The following DPM2 variants were observed in gnomAD, a reference collection of about 807,000 sequenced individuals.
DPM2 encodes dolichol phosphate-mannose biosynthesis regulatory protein.
In DPM2, 8 loss-of-function variants were observed where a neutral mutation model predicts 12.1. The ratio of observed to expected loss-of-function variants is 0.66; its 90% CI spans 0.39 to 1.19. The LOEUF is 1.19. Among genes scored for constraint, DPM2 ranks in the 50% most tolerant of loss-of-function variants. DPM2 has a pLI of 0.01. For synonymous variants in DPM2, 38 were observed against 44.7 expected, an observed-to-expected ratio of 0.85 and a Z score of 0.60; for missense variants, 93 against 102.5, an observed-to-expected ratio of 0.91 and a Z score of 0.40.
In DPM2 at chr9:127,937,505, C is replaced by A; in HGVS notation, c.22G>T (p.Val8Leu). ...ACGGCGACGAGGCCGAGTCCCACCA[C>A]CTGGTCTGTCCCCGTGGCCTGGAGA... is the stretch of plus-strand genomic sequence containing the variant. MATGTDQ[V>L]VGLGLVAVSL... The change falls in exon 2 of 4, where the codon GTG becomes TTG. Residue 8 changes from valine to leucine, a missense_variant. Transcript: ENST00000314392. 6.2e-7 allele frequency: 1 copy of A among 1,613,802 alleles called. No individual in the cohort carries two copies. Among genetic ancestry groups the A allele is most frequent in the Non-Finnish European group, 8.5e-7 (1 of 1,179,786 alleles).
At chr9:127,937,754 C>G (rs997893656) in intron 1 of DPM2, 64 bp downstream of exon 1, 9 of 1,604,922 alleles carry the variant, frequency 5.6e-6, no homozygotes, top group African/African-American at 2.7e-5. Context: ...TGCCCCAGCT[C>G]CTGAGCAGAC....
At chr9:127,935,977 G>C in intron 3 of DPM2, 197 bp from the exon 4 acceptor site, 1 of 610,092 alleles carries the variant, frequency 1.6e-6, no homozygotes, top group Non-Finnish European at 2.9e-6. Flanking sequence ...CCAACTGAGT[G>C]CCTGCCTCAA....
In DPM2 at chr9:127,935,653, TC is replaced by T. The variant is rs1831491848; in HGVS notation, c.*68del. 2 of 1,547,672 alleles carry T rather than the reference TC, an allele frequency of 1.3e-6. No individual in the cohort carries two copies. The highest frequency in any genetic ancestry group is 1.7e-5 in the Admixed American group (1 of 57,396). ...CTGTGCCTGGACAGGTTCTGCAGGC[TC>T]CCCCACTTGGTCCCTGTGCTGGAGG... On this transcript the variant is annotated 3_prime_UTR_variant, in exon 4 of 4. Transcript: ENST00000314392.
At chr9:127,936,451 G>T (rs147403960) in intron 3 of DPM2, 102 bp downstream of exon 3, 3 of 1,610,234 alleles carry the variant, frequency 1.9e-6, no homozygotes, top group Non-Finnish European at 2.5e-6. Flanking sequence ...GGGTGAGTTC[G>T]GGGCAAGCAG....
intron 3 of DPM2, 146 bp downstream of exon 3, chr9:127,936,407 T>C (rs769967978): frequency 1.9e-6 from 3 of 1,576,194 alleles, no homozygotes; most frequent in Non-Finnish European, 2.6e-6. Flanking sequence ...GGTTACTGAC[T>C]GGCAGCCTCG....
chr9:127,936,267 G>A, intron 3 of DPM2: 3 of 1,439,292 alleles, frequency 2.1e-6, no homozygotes, highest in Non-Finnish European at 1.8e-6. Flanking sequence ...AGAGAGAGAG[G>A]TGCAGGAATT....
chr9:127,936,491 G>A, intron 3 of DPM2, 62 bp downstream of exon 3: 6 of 1,608,768 alleles, frequency 3.7e-6, no homozygotes, highest in Non-Finnish European at 5.1e-6. Context: ...GTGGAAGCAT[G>A]TTCAGAGGTG....
rs73669305 is a variant in DPM2, at chr9:127,937,719, G to C, written c.3+99C>G. On this transcript the variant is annotated intron_variant, in intron 1 of 3. Coordinates refer to ENST00000314392, the MANE Select transcript of DPM2 (RefSeq NM_003863.4). Reference sequence around the variant, plus strand: ...CGTCCGTACAATAGTGGGGGCGGGAGAGCAATCCCCGTTCCAAGTGCCCAT... The same window carrying C: ...CGTCCGTACAATAGTGGGGGCGGGACAGCAATCCCCGTTCCAAGTGCCCAT... 7.2e-4 allele frequency: 1,073 copies of C among 1,492,268 alleles called. 9 individuals carry two copies. The African/African-American group carries it at 0.013, about 18-fold the overall frequency. 92.4% of individuals were successfully genotyped at this position (1,492,268 alleles called of 1,614,324 possible).
At chr9:127,936,450 CG>C (rs764516539) in intron 3 of DPM2, 102 bp downstream of exon 3, 1 of 1,609,588 alleles carries the variant, frequency 6.2e-7, no homozygotes, top group South Asian at 1.1e-5. Context: ...CGGGTGAGTT[CG>C]GGGCAAGCAG....
chr9:127,935,604 A>G lies in DPM2; in HGVS notation c.*118T>C. The G allele has an allele frequency of 9.8e-7, 1 of 1,023,314 alleles. No homozygotes were observed. The highest frequency in any genetic ancestry group is 1.5e-6 in the Non-Finnish European group (1 of 670,586). 63.4% of individuals were successfully genotyped at this position (1,023,314 alleles called of 1,614,324 possible). On this transcript the variant is annotated 3_prime_UTR_variant, in exon 4 of 4. Coordinates refer to ENST00000314392, the MANE Select transcript of DPM2 (RefSeq NM_003863.4). ...AAGCTCCATGCCATGGGGACTCTGCAGGACAGGCAGGCTTGAGGAGCCACT... is the reference window on the plus strand; with the variant it reads ...AAGCTCCATGCCATGGGGACTCTGCGGGACAGGCAGGCTTGAGGAGCCACT...
intron 2 of DPM2, 73 bp from the exon 3 acceptor site, chr9:127,936,728 C>T: frequency 1.5e-6 from 2 of 1,356,550 alleles, no homozygotes; most frequent in Non-Finnish European, 1.9e-6. Context: ...GTCCCACCTC[C>T]TCCATCTAAG....
In DPM2 at chr9:127,935,473, C is replaced by T. The variant is rs1337256012; in HGVS notation, c.*249G>A. ...AGAGTGAGGTTGGGAGGACCAGCATCTTTTAGGCCCTGAGCAAGAAGGAGG... is the reference window on the plus strand; with the variant it reads ...AGAGTGAGGTTGGGAGGACCAGCATTTTTTAGGCCCTGAGCAAGAAGGAGG... On this transcript the variant is annotated 3_prime_UTR_variant, in exon 4 of 4. Transcript: ENST00000314392. 1.9e-5 allele frequency: 11 copies of T among 567,034 alleles called. No homozygotes were observed. The highest frequency in any genetic ancestry group is 7.5e-5 in the African/African-American group (4 of 53,118). The allele number at this position is 567,034 out of a possible 1,614,324, so 35.1% of individuals were successfully genotyped here. A position where few individuals can be genotyped will look rare whatever the true frequency, so the allele number is the denominator to read the frequency against.
In DPM2 at chr9:127,937,804, G is replaced by A. The variant is rs375782774; in HGVS notation, c.3+14C>T. ...CCAGACGCCCCTATCTCCGGCACACGGTGCCAATCTCACCATTTCCCCGCG... is the reference window on the plus strand; with the variant it reads ...CCAGACGCCCCTATCTCCGGCACACAGTGCCAATCTCACCATTTCCCCGCG... On this transcript the variant is annotated intron_variant, in intron 1 of 3. Coordinates refer to ENST00000314392, the MANE Select transcript of DPM2 (RefSeq NM_003863.4). The A allele has an allele frequency of 5.0e-6, 8 of 1,609,496 alleles. No individual in the cohort carries two copies. Among genetic ancestry groups the A allele is most frequent in the African/African-American group, 1.3e-5 (1 of 74,940 alleles).
At chr9:127,936,242 C>A (rs1831502618) in intron 3 of DPM2, 1 of 1,409,334 alleles carries the variant, frequency 7.1e-7, no homozygotes, top group Non-Finnish European at 9.3e-7. Flanking sequence ...CAGTCCCCAT[C>A]CCTAGGAAGC....
chr9:127,935,485 G>A lies in DPM2; in HGVS notation c.*237C>T. Reference sequence around the variant, plus strand: ...GGAGGACCAGCATCTTTTAGGCCCTGAGCAAGAAGGAGGTGACCGGAGTCT... The same window carrying A: ...GGAGGACCAGCATCTTTTAGGCCCTAAGCAAGAAGGAGGTGACCGGAGTCT... On this transcript the variant is annotated 3_prime_UTR_variant, in exon 4 of 4. Transcript: ENST00000314392. 2 of 581,070 alleles carry A rather than the reference G, an allele frequency of 3.4e-6. No homozygotes were observed. Among genetic ancestry groups the A allele is most frequent in the Admixed American group, 3.0e-5 (1 of 33,072 alleles). The allele number at this position is 581,070 out of a possible 1,614,324, so 36.0% of individuals were successfully genotyped here. A position where few individuals can be genotyped will look rare whatever the true frequency, so the allele number is the denominator to read the frequency against.
At chr9:127,936,316 A>T in intron 3 of DPM2, 2 of 1,471,878 alleles carry the variant, frequency 1.4e-6, no homozygotes, top group Non-Finnish European at 1.8e-6. Flanking sequence ...AGGTGTGAGC[A>T]GAGTGATGAT....
intron 2 of DPM2, 102 bp from the exon 3 acceptor site, chr9:127,936,757 G>A (rs142261651): frequency 6.0e-6 from 6 of 1,002,320 alleles, no homozygotes; most frequent in Non-Finnish European, 8.0e-6. Context: ...CCATTCAGAG[G>A]ACTGGGACTG....
chr9:127,937,587 G>A, intron 1 of DPM2, 64 bp from the exon 2 acceptor site: 1 of 1,420,458 alleles, frequency 7.0e-7, no homozygotes, highest in South Asian at 1.2e-5. Context: ...AATGGAAGCG[G>A]GGCGTCGCGG....
Position 127,937,417 on chromosome 9 carries a change from C to A in DPM2, c.93+17G>T, listed in dbSNP as rs773924127. 1.2e-5 allele frequency: 20 copies of A among 1,602,682 alleles called. No homozygotes were observed. The highest frequency in any genetic ancestry group is 1.7e-5 in the Admixed American group (1 of 59,286). ...GGGCTCGGGGAAGGTGAGCAGCGGA[C>A]GGGGAGAATGACATACCAAGAGAAT... On this transcript the variant is annotated intron_variant, in intron 2 of 3. Coordinates refer to ENST00000314392, the MANE Select transcript of DPM2 (RefSeq NM_003863.4).
Sources: allele counts gnomAD v4.1 joint callset, GRCh38; gene constraint gnomAD v4.1.1; transcripts MANE v1.5; gene names NCBI Gene and HGNC (gene_info 2026-07-23, HGNC 2026-07-21).